The following DOCK2 variants were observed in gnomAD, a reference collection of about 807,000 sequenced individuals.
DOCK2 encodes the protein dedicator of cytokinesis 2, also known as dedicator of cytokinesis protein 2.
In DOCK2, 87 loss-of-function variants were observed where a neutral mutation model predicts 248.9. That is an observed-to-expected ratio of 0.35 (90% CI 0.29 to 0.42). The LOEUF (loss-of-function observed/expected upper bound fraction) is 0.42. DOCK2 is among the 10% of genes least tolerant of loss of function. The probability of loss-of-function intolerance (pLI) is 1.00; values close to 1 mark genes in which losing one functional copy is unlikely to be tolerated. For synonymous variants in DOCK2, 805 were observed against 821.6 expected (o/e 0.98, Z 0.35); for missense variants, 1,747 against 2,300.2 (o/e 0.76, Z 4.92).
intron 22 of DOCK2, among the ~76,000 whole-genome samples, chr5:169,739,291 C>T (rs1763191939): frequency 6.6e-6 from 1 of 152,170 alleles, no homozygotes; most frequent in Non-Finnish European, 1.5e-5. Context: ...GAAAAATCAG[C>T]ATCTTGATTC....
rs148811648 is a variant in DOCK2 at position 170,080,213 on chromosome 5, G to A, written c.5217G>A (p.Ala1739=). ...GTGACACCAACCTCTCGGAGCATGC[G>A]GCCATCCCCCTCAAGGCGTCTGTCC... ...FMSDTNLSEH[A]AIPLKASVLS... Residue 1739 remains alanine, a synonymous_variant, in exon 50 of 52, where the codon GCG becomes GCA. Coordinates refer to ENST00000520908, the MANE Select transcript of DOCK2 (RefSeq NM_004946.3). 224 of 1,614,094 alleles carry A rather than the reference G, an allele frequency of 1.4e-4. 4 individuals are homozygous for A. The East Asian group carries it at 4.6e-3, about 33-fold the overall frequency.
chr5:169,873,512 G>A (rs1297444170), intron 27 of DOCK2, among the ~76,000 whole-genome samples: 1 of 152,222 alleles, frequency 6.6e-6, no homozygotes, highest in Non-Finnish European at 1.5e-5. Context: ...GATATGCTGT[G>A]TGCCTTTATC....
intron 27 of DOCK2, among the ~76,000 whole-genome samples, chr5:169,851,558 G>A (rs1413457971): frequency 6.6e-6 from 1 of 152,206 alleles, no homozygotes; most frequent in Non-Finnish European, 1.5e-5. Context: ...TGCTGTTGCT[G>A]CTGCTGCTGT....
At chr5:169,883,968 A>G in intron 27 of DOCK2, 1 of 1,351,762 alleles carries the variant, frequency 7.4e-7, no homozygotes, top group Non-Finnish European at 9.8e-7. Context: ...TCTTTGGAGC[A>G]GTATCTAATG....
intron 34 of DOCK2, among the ~76,000 whole-genome samples, chr5:170,031,889 G>GT (rs1756148834): frequency 6.6e-6 from 1 of 152,180 alleles, no homozygotes; most frequent in Admixed American, 6.5e-5. Flanking sequence ...CGCAGCACTG[G>GT]TATCACCTGG....
chr5:169,961,381 C>A (rs1404964075), intron 27 of DOCK2, among the ~76,000 whole-genome samples: 1 of 152,204 alleles, frequency 6.6e-6, no homozygotes, highest in African/African-American at 2.4e-5. Context: ...TGCCTTGCAT[C>A]AGGGGAATGT....
chr5:169,963,929 G>A lies in DOCK2; in HGVS notation c.2800-19139G>A, dbSNP rs183181615. On this transcript the variant is annotated intron_variant, in intron 27 of 51. Transcript: ENST00000520908. ...GAATGTGCATTTCAAATAAGTTTTCGGATGCTGCTGCTGCAGCTCCAGGGC... is the reference window on the plus strand; with the variant it reads ...GAATGTGCATTTCAAATAAGTTTTCAGATGCTGCTGCTGCAGCTCCAGGGC... Among the ~76,000 whole-genome samples, 372 of 152,170 alleles carry A rather than the reference G, an allele frequency of 2.4e-3. 8 individuals are homozygous for A. In the South Asian group the frequency reaches 0.062, roughly 25 times the overall value.
At chr5:169,906,099 A>C (rs1774260205) in intron 27 of DOCK2, among the ~76,000 whole-genome samples, 2 of 152,236 alleles carry the variant, frequency 1.3e-5, no homozygotes, top group East Asian at 3.8e-4. Context: ...ACTAAGAGTT[A>C]CCAAACGGTC....
intron 22 of DOCK2, among the ~76,000 whole-genome samples, chr5:169,735,123 C>T (rs568559620): frequency 6.6e-6 from 1 of 152,328 alleles, no homozygotes; most frequent in South Asian, 2.1e-4. Flanking sequence ...TCAGAGTGAT[C>T]TTTCCACAGT....
chr5:170,026,657 A>G (rs542036212), intron 33 of DOCK2, among the ~76,000 whole-genome samples: 3 of 152,352 alleles, frequency 2.0e-5, no homozygotes, highest in South Asian at 4.1e-4. Context: ...AAATCATGTT[A>G]AAAAGACGTT....
intron 27 of DOCK2, among the ~76,000 whole-genome samples, chr5:169,924,837 T>G (rs1389544087): frequency 2.6e-5 from 4 of 152,200 alleles, no homozygotes; most frequent in Non-Finnish European, 5.9e-5. Flanking sequence ...GTAGGCATAT[T>G]GTCAAAGATT....
intron 25 of DOCK2, among the ~76,000 whole-genome samples, chr5:169,783,258 T>C (rs1021789734): frequency 8.5e-5 from 13 of 152,224 alleles, no homozygotes; most frequent in African/African-American, 3.1e-4. Flanking sequence ...TAACCTCTGA[T>C]TTTTTCATGA....
intron 23 of DOCK2, among the ~76,000 whole-genome samples, chr5:169,753,792 T>G (rs773899971): frequency 2.6e-5 from 4 of 152,206 alleles, no homozygotes; most frequent in Non-Finnish European, 4.4e-5. Flanking sequence ...TGAGACTGAA[T>G]GTCCTGAGAG....
intron 1 of DOCK2, among the ~76,000 whole-genome samples, chr5:169,640,527 G>A (rs769712427): frequency 6.6e-6 from 1 of 152,200 alleles, no homozygotes; most frequent in African/African-American, 2.4e-5. Flanking sequence ...GTACTCAAAG[G>A]GTTGGTTTGA....
rs555810943 is a variant in DOCK2 at position 169,836,608 on chromosome 5, T to C, written c.2704-4149T>C. Among the ~76,000 whole-genome samples the C allele has an allele frequency of 2.0e-5, 3 of 152,334 alleles. No individual in the cohort carries two copies. In the East Asian group the frequency reaches 5.8e-4, roughly 29 times the overall value. On this transcript the variant is annotated intron_variant, in intron 26 of 51. Transcript: ENST00000520908. Reference sequence around the variant, plus strand: ...GCTTTATTTCCAAGTTTTGGAGCTTTTTCTTGCACACTTGCCATAAATATG... The same window carrying C: ...GCTTTATTTCCAAGTTTTGGAGCTTCTTCTTGCACACTTGCCATAAATATG...
chr5:170,028,626 A>C (rs561356565), intron 34 of DOCK2: 2 of 153,506 alleles, frequency 1.3e-5, no homozygotes, highest in East Asian at 3.9e-4. Flanking sequence ...CAAAGTGTAC[A>C]ATCATTGACT....
rs73327855 is a variant in DOCK2 at position 169,977,716 on chromosome 5, G to A, written c.2800-5352G>A. On this transcript the variant is annotated intron_variant, in intron 27 of 51. Transcript: ENST00000520908. ...CATCCTGCTCATTGCTCCATGCCTC[G>A]CACCTAGCACAGAGCCCAGAACGCA... Among the ~76,000 whole-genome samples the A allele has an allele frequency of 4.4e-3, 672 of 152,160 alleles. 5 individuals are homozygous for A. Among genetic ancestry groups the A allele is most frequent in the African/African-American group, 0.015 (633 of 41,492 alleles).
intron 26 of DOCK2, among the ~76,000 whole-genome samples, chr5:169,835,071 G>T (rs533196592): frequency 6.6e-6 from 1 of 152,182 alleles, no homozygotes; most frequent in South Asian, 2.1e-4. Context: ...CATGAAATGA[G>T]GAGTGTGCAA....
chr5:169,972,885 G>A (rs1291027595), intron 27 of DOCK2, among the ~76,000 whole-genome samples: 1 of 152,080 alleles, frequency 6.6e-6, no homozygotes, highest in Non-Finnish European at 1.5e-5. Flanking sequence ...TTTGCAAAGG[G>A]GCCACCTCCA....
Sources: allele counts gnomAD v4.1 joint callset (sites outside exome capture counted in the v4.1 genomes callset), GRCh38; gene constraint gnomAD v4.1.1; transcripts MANE v1.5; gene names NCBI Gene and HGNC (gene_info 2026-07-23, HGNC 2026-07-21).